Variants in EDIL3 observed in about 807,000 individuals in gnomAD.
EDIL3 encodes the protein EGF like and discoidin domains 3.
A neutral mutation model predicts 67.4 loss-of-function variants in EDIL3; 37 were observed. That is an observed-to-expected ratio of 0.55 (90% CI 0.42 to 0.72). EDIL3 has a LOEUF of 0.72. Ranked by LOEUF, EDIL3 falls within the 30% of genes least tolerant of loss-of-function variation. EDIL3 has a pLI of 0.00. For synonymous variants in EDIL3, 195 were observed against 196.3 expected (o/e 0.99, Z 0.05); for missense variants, 527 against 586.3 (o/e 0.90, Z 1.04).
At chr5:84,170,983 T>TG (rs1399759148) in intron 4 of EDIL3, among the ~76,000 whole-genome samples, 2 of 151,932 alleles carry the variant, frequency 1.3e-5, no homozygotes, top group Non-Finnish European at 2.9e-5. Context: ...TGAGGAGAGA[T>TG]GGAGTTTCAC....
intron 9 of EDIL3, among the ~76,000 whole-genome samples, chr5:84,045,784 T>C (rs907938194): frequency 2.0e-5 from 3 of 152,232 alleles, no homozygotes; most frequent in African/African-American, 7.2e-5. Flanking sequence ...ATGCTAATTG[T>C]ATTAATTAAA....
chr5:84,214,407 C>T (rs1019433476), intron 3 of EDIL3, among the ~76,000 whole-genome samples: 3 of 151,960 alleles, frequency 2.0e-5, no homozygotes, highest in Non-Finnish European at 2.9e-5. Flanking sequence ...CCCCGCCCCC[C>T]GCCACTTTAC....
At chr5:84,273,075 A>G (rs1156696672) in intron 1 of EDIL3, among the ~76,000 whole-genome samples, 3 of 152,178 alleles carry the variant, frequency 2.0e-5, no homozygotes, top group African/African-American at 7.2e-5. Flanking sequence ...AAGGCTAAAA[A>G]GACAAAAGCA....
intron 9 of EDIL3, among the ~76,000 whole-genome samples, chr5:83,984,741 G>T (rs1745029518): frequency 1.3e-5 from 2 of 152,066 alleles, no homozygotes; most frequent in Admixed American, 6.6e-5. Context: ...AAGATCTGAG[G>T]GTCCCGAAAG....
In EDIL3 at chr5:84,384,276, C is replaced by A. The variant is rs778170924; in HGVS notation, c.67+32G>T. ...TTCTCAGGGGACTCCCAGCCCATCC[C>A]TCACCCAGCTGTCCGGGTCCCGACG... On this transcript the variant is annotated intron_variant, in intron 1 of 10. Transcript: ENST00000296591. 4 of 1,602,714 alleles carry A rather than the reference C, an allele frequency of 2.5e-6. No individual in the cohort carries two copies. In the Admixed American group the frequency reaches 6.8e-5, roughly 27 times the overall value.
At chr5:84,290,378 A>G (rs1745889905) in intron 1 of EDIL3, among the ~76,000 whole-genome samples, 1 of 152,030 alleles carries the variant, frequency 6.6e-6, no homozygotes, top group Non-Finnish European at 1.5e-5. Flanking sequence ...TTGCACATCA[A>G]TCTCCATTTC....
chr5:84,146,607 A>C (rs1038656643), intron 4 of EDIL3, among the ~76,000 whole-genome samples: 3 of 152,116 alleles, frequency 2.0e-5, no homozygotes, highest in Non-Finnish European at 2.9e-5. Context: ...TCGTCTTAGT[A>C]ATTTCCTCAA....
intron 3 of EDIL3, among the ~76,000 whole-genome samples, chr5:84,207,591 C>G (rs1252581563): frequency 6.6e-6 from 1 of 151,270 alleles, no homozygotes; most frequent in African/African-American, 2.4e-5. Context: ...ATCGCCAAGT[C>G]AATCCTAAGC....
At position 84,100,297 on chromosome 5, in the gene EDIL3, T is replaced by C. The variant is rs552770901; in HGVS notation, c.651+6352A>G. Reference sequence around the variant, plus strand: ...CACATGTGTGTTTATTGCAGCATTATTCACAATAGCAAAGATTTGGAACCA... The same window carrying C: ...CACATGTGTGTTTATTGCAGCATTACTCACAATAGCAAAGATTTGGAACCA... On this transcript the variant is annotated intron_variant, in intron 6 of 10. Coordinates refer to ENST00000296591, the MANE Select transcript of EDIL3 (RefSeq NM_005711.5). 3.4e-3 allele frequency among the ~76,000 whole-genome samples: 525 copies of C among 152,242 alleles called. 2 individuals carry two copies. Among genetic ancestry groups the C allele is most frequent in the African/African-American group, 0.012 (506 of 41,548 alleles).
In EDIL3 at chr5:83,943,250, G is replaced by T; in HGVS notation, c.*169C>A. ...TAAAATCAAATTAAATCATTGAAAA[G>T]GCAGGCTTAGACCCCCTTAAAAACA... On this transcript the variant is annotated 3_prime_UTR_variant, in exon 11 of 11. Transcript: ENST00000296591. The T allele has an allele frequency of 1.4e-6, 1 of 715,532 alleles. No individual in the cohort carries two copies. Among genetic ancestry groups the T allele is most frequent in the Non-Finnish European group, 2.2e-6 (1 of 450,388 alleles). 44.3% of individuals were successfully genotyped at this position (715,532 alleles called of 1,614,324 possible).
chr5:84,307,557 G>A (rs997874010), intron 1 of EDIL3, among the ~76,000 whole-genome samples: 5 of 152,184 alleles, frequency 3.3e-5, no homozygotes, highest in Admixed American at 2.6e-4. Flanking sequence ...AATTACATTT[G>A]AAACATTGCG....
intron 5 of EDIL3, among the ~76,000 whole-genome samples, chr5:84,130,074 C>A (rs939247070): frequency 6.6e-6 from 1 of 152,046 alleles, no homozygotes; most frequent in Non-Finnish European, 1.5e-5. Context: ...TTGTAAAATT[C>A]TCATCTCTAC....
intron 5 of EDIL3, among the ~76,000 whole-genome samples, chr5:84,115,083 T>C (rs1747641478): frequency 6.6e-6 from 1 of 152,218 alleles, no homozygotes; most frequent in Non-Finnish European, 1.5e-5. Context: ...TCTTTCTTTT[T>C]TGAAGGTGGA....
chr5:84,242,124 C>T lies in EDIL3; in HGVS notation c.196+11960G>A, dbSNP rs181557413. ...GTGGGCGCCTGTAGTCCCAGCTACT[C>T]GGGAGGCTGAGGCAGGAGAATGGCG... On this transcript the variant is annotated intron_variant, in intron 2 of 10. Transcript: ENST00000296591. Among the ~76,000 whole-genome samples the T allele has an allele frequency of 7.7e-3, 1,161 of 150,124 alleles. 13 individuals are homozygous for T. Among genetic ancestry groups the T allele is most frequent in the Non-Finnish European group, 0.014 (918 of 67,680 alleles).
At chr5:84,071,442 G>T (rs1746739169) in intron 6 of EDIL3, among the ~76,000 whole-genome samples, 1 of 152,150 alleles carries the variant, frequency 6.6e-6, no homozygotes, top group Admixed American at 6.5e-5. Flanking sequence ...AAATTCAAAA[G>T]AAATCCCTGA....
intron 1 of EDIL3, among the ~76,000 whole-genome samples, chr5:84,366,453 A>G (rs569708510): frequency 3.4e-4 from 52 of 152,134 alleles, no homozygotes; most frequent in Non-Finnish European, 6.3e-4. Context: ...GAAACCTAGG[A>G]GCTTTACTTT....
chr5:84,046,256 C>T (rs1422640861), intron 9 of EDIL3, among the ~76,000 whole-genome samples: 1 of 152,110 alleles, frequency 6.6e-6, no homozygotes, highest in Non-Finnish European at 1.5e-5. Flanking sequence ...CAAGCTGAAT[C>T]CACAGAATCT....
At chr5:84,005,978 A>G (rs1745407919) in intron 9 of EDIL3, among the ~76,000 whole-genome samples, 1 of 152,008 alleles carries the variant, frequency 6.6e-6, no homozygotes, top group African/African-American at 2.4e-5. Flanking sequence ...GCAATGTTTC[A>G]GGACACAAAA....
chr5:84,099,998 T>C (rs1445926969), intron 6 of EDIL3, among the ~76,000 whole-genome samples: 1 of 151,950 alleles, frequency 6.6e-6, no homozygotes, highest in Non-Finnish European at 1.5e-5. Context: ...CACTAGTCAT[T>C]AGAAAAGTAG....
Sources: allele counts gnomAD v4.1 joint callset (sites outside exome capture counted in the v4.1 genomes callset), GRCh38; gene constraint gnomAD v4.1.1; transcripts MANE v1.5; gene names NCBI Gene and HGNC (gene_info 2026-07-23, HGNC 2026-07-21).